Variants in RBFOX1 observed in about 807,000 individuals in gnomAD.
RBFOX1 encodes RNA binding protein fox-1 homolog 1.
In RBFOX1, 8 loss-of-function variants were observed where a neutral mutation model predicts 57.7. The ratio of observed to expected loss-of-function variants is 0.14; its 90% CI spans 0.08 to 0.25. The LOEUF (loss-of-function observed/expected upper bound fraction) is 0.25, where lower values mean the gene tolerates loss of function less well. RBFOX1 is among the 10% of genes least tolerant of loss of function. The probability of loss-of-function intolerance (pLI) is 1.00; values close to 1 mark genes in which losing one functional copy is unlikely to be tolerated. For missense variants in RBFOX1, 611 were observed against 548.5 expected, an observed-to-expected ratio of 1.11 and a Z score of -1.14; for synonymous variants, 326 against 222.4, an observed-to-expected ratio of 1.47 and a Z score of -4.15.
At position 6,173,446 on chromosome 16, in the gene RBFOX1, C is replaced by T. The variant is rs146954952; in HGVS notation, c.-126-143549C>T. Reference sequence around the variant, plus strand: ...TCACTCAAAGGAAAATTTACAAACACACATGTGTGCATGTGCACACATAGA... The same window carrying T: ...TCACTCAAAGGAAAATTTACAAACATACATGTGTGCATGTGCACACATAGA... On this transcript the variant is annotated intron_variant, in intron 1 of 15. Coordinates refer to ENST00000550418, the MANE Select transcript of RBFOX1 (RefSeq NM_018723.4). Among the ~76,000 whole-genome samples the T allele has an allele frequency of 3.5e-3, 540 of 152,180 alleles. 2 individuals carry two copies. Among genetic ancestry groups the T allele is most frequent in the African/African-American group, 0.012 (505 of 41,508 alleles).
At chr16:7,177,752 T>G (rs1451287434) in intron 4 of RBFOX1, among the ~76,000 whole-genome samples, 1 of 152,164 alleles carries the variant, frequency 6.6e-6, no homozygotes, top group African/African-American at 2.4e-5. Flanking sequence ...TGCAGGTCTT[T>G]TGGTCTCCGC....
chr16:5,324,010 A>G (rs1168188192), intron 1 of RBFOX1, among the ~76,000 whole-genome samples: 1 of 152,244 alleles, frequency 6.6e-6, no homozygotes, highest in Non-Finnish European at 1.5e-5. Context: ...GCTTTCCCCT[A>G]CACTGTCTCA....
intron 2 of RBFOX1, among the ~76,000 whole-genome samples, chr16:5,484,824 A>G (rs1333986470): frequency 1.3e-5 from 2 of 151,942 alleles, no homozygotes; most frequent in East Asian, 3.9e-4. Flanking sequence ...AGGCAGGAGA[A>G]TCACTTGAAC....
At chr16:5,262,921 C>T (rs1215812335) in intron 1 of RBFOX1, among the ~76,000 whole-genome samples, 1 of 152,112 alleles carries the variant, frequency 6.6e-6, no homozygotes, top group Admixed American at 6.5e-5. Context: ...AAGGGATGCA[C>T]TGGGGACATG....
At chr16:7,606,364 C>G (rs958751561) in intron 9 of RBFOX1, among the ~76,000 whole-genome samples, 6 of 151,126 alleles carry the variant, frequency 4.0e-5, no homozygotes, top group African/African-American at 1.5e-4. Flanking sequence ...CTCGTGATCT[C>G]CCTGCCTTGG....
rs561882873 is a variant in RBFOX1, at chr16:6,399,201, G to C, written c.-64+82144G>C. On this transcript the variant is annotated intron_variant, in intron 2 of 15. Transcript: ENST00000550418. ...GGACCATGTCCCGAGGCAGCACAGAGCAGGGTGGCCCTGGGCCTGGCCCAT... is the reference window on the plus strand; with the variant it reads ...GGACCATGTCCCGAGGCAGCACAGACCAGGGTGGCCCTGGGCCTGGCCCAT... Among the ~76,000 whole-genome samples the C allele has an allele frequency of 2.6e-5, 4 of 152,360 alleles. No individual in the cohort carries two copies. In the East Asian group the frequency reaches 7.7e-4, roughly 29 times the overall value.
intron 2 of RBFOX1, among the ~76,000 whole-genome samples, chr16:5,581,920 G>A (rs565186381): frequency 6.6e-6 from 1 of 152,358 alleles, no homozygotes; most frequent in East Asian, 1.9e-4. Flanking sequence ...ACGCTGTAAT[G>A]TAGATGAGTA....
At chr16:7,512,018 G>T (rs1350948679) in intron 4 of RBFOX1, among the ~76,000 whole-genome samples, 3 of 152,200 alleles carry the variant, frequency 2.0e-5, no homozygotes, top group South Asian at 2.1e-4. Context: ...TTGTGAGGCA[G>T]ATCATCCTGC....
chr16:6,703,719 A>AT (rs200972169), intron 3 of RBFOX1, among the ~76,000 whole-genome samples: 2,328 of 152,210 alleles, frequency 0.015, 38 homozygotes, highest in Non-Finnish European at 0.023. Context: ...AAGAAAAAAA[A>AT]GAAAAGAAAA....
At chr16:5,306,770 C>T (rs908895483) in intron 1 of RBFOX1, among the ~76,000 whole-genome samples, 42 of 152,320 alleles carry the variant, frequency 2.8e-4, no homozygotes, top group African/African-American at 9.1e-4. Context: ...CTGTTAGAGT[C>T]CCAGTCTGCT....
intron 4 of RBFOX1, among the ~76,000 whole-genome samples, chr16:7,095,400 A>C (rs1475705459): frequency 6.6e-6 from 1 of 152,178 alleles, no homozygotes; most frequent in Admixed American, 6.5e-5. Flanking sequence ...AGCCTCCCAC[A>C]GTGCTGGGAT....
intron 1 of RBFOX1, among the ~76,000 whole-genome samples, chr16:5,442,774 A>G (rs2068122884): frequency 6.6e-6 from 1 of 152,154 alleles, no homozygotes; most frequent in Non-Finnish European, 1.5e-5. Context: ...TGCTGTCATT[A>G]TTCCCTGTTG....
intron 3 of RBFOX1, among the ~76,000 whole-genome samples, chr16:5,618,944 G>A (rs1271169422): frequency 6.6e-6 from 1 of 152,188 alleles, no homozygotes; most frequent in Non-Finnish European, 1.5e-5. Flanking sequence ...ATGACTTTGG[G>A]TAGCTGATGG....
intron 2 of RBFOX1, among the ~76,000 whole-genome samples, chr16:6,473,100 G>A (rs191075828): frequency 7.2e-5 from 11 of 152,160 alleles, no homozygotes; most frequent in Admixed American, 6.5e-5. Context: ...TCTTCTGCCC[G>A]GGGACCCCAG....
rs1454618331 is a variant in RBFOX1, at chr16:6,819,723, AAAAAAAAAT to A, written c.-16+165076_-16+165084del. Among the ~76,000 whole-genome samples, 262 of 144,588 alleles carry A rather than the reference AAAAAAAAAT, an allele frequency of 1.8e-3. 7 individuals carry two copies. Among genetic ancestry groups the A allele is most frequent in the Non-Finnish European group, 3.2e-3 (212 of 66,368 alleles). The allele number at this position is 144,588 out of a possible 152,430, so 94.9% of individuals were successfully genotyped here. On this transcript the variant is annotated intron_variant, in intron 3 of 15. Transcript: ENST00000550418. The stretch of plus-strand genomic sequence containing the variant: ...TCTGACTCAAAAAAAAAAAAAAAAA[AAAAAAAAAT>A]AACAACACCAAAAGGTATATAGTAT...
chr16:6,710,419 T>C (rs1385782881), intron 3 of RBFOX1, among the ~76,000 whole-genome samples: 1 of 152,202 alleles, frequency 6.6e-6, no homozygotes, highest in African/African-American at 2.4e-5. Flanking sequence ...ATATAAAAGA[T>C]ATTTTACATT....
chr16:6,650,336 G>A (rs1222270801), intron 2 of RBFOX1, among the ~76,000 whole-genome samples: 1 of 151,964 alleles, frequency 6.6e-6, no homozygotes, highest in Admixed American at 6.6e-5. Flanking sequence ...GCAAGGAAAA[G>A]AATGAAACCT....
chr16:6,995,156 G>A (rs1472090195), intron 3 of RBFOX1, among the ~76,000 whole-genome samples: 1 of 152,078 alleles, frequency 6.6e-6, no homozygotes, highest in Non-Finnish European at 1.5e-5. Context: ...CAATTCTCTT[G>A]TTATGGACAT....
intron 2 of RBFOX1, among the ~76,000 whole-genome samples, chr16:5,530,787 C>T (rs1483607806): frequency 6.6e-6 from 1 of 152,026 alleles, no homozygotes. Flanking sequence ...AGGGGAGTCC[C>T]TTTTAAAATC....
Sources: gnomAD v4.1 joint callset for allele counts (sites outside exome capture counted in the v4.1 genomes callset) on GRCh38, gnomAD v4.1.1 for gene constraint, MANE v1.5 for transcripts, NCBI Gene and HGNC (gene_info 2026-07-23, HGNC 2026-07-21) for gene names.